RAB3IP: variants seen among roughly 807,000 people sequenced by gnomAD.
RAB3IP encodes RAB3A interacting protein.
RAB3IP carries 36 observed loss-of-function variants against 59.1 expected under a neutral mutation model. That is an observed-to-expected ratio of 0.61 (90% CI 0.47 to 0.80). The LOEUF is 0.80. Among genes scored for constraint, RAB3IP ranks in the 30% least tolerant of loss-of-function variants. The pLI, the probability that RAB3IP is intolerant of heterozygous loss-of-function variation, is 0.00. For synonymous variants in RAB3IP, 207 were observed against 191.2 expected (o/e 1.08, Z -0.68); for missense variants, 511 against 536.0 (o/e 0.95, Z 0.46).
Position 69,756,485 on chromosome 12 carries a change from A to G in RAB3IP, c.332A>G (p.Asn111Ser), listed in dbSNP as rs145351970. ...ACTAAATTAACTACAAGAAAGGACAACTATAATGCAGAGAGAGAGTTTTTA... is the reference window on the plus strand; with the variant it reads ...ACTAAATTAACTACAAGAAAGGACAGCTATAATGCAGAGAGAGAGTTTTTA... ...GLTKLTTRKD[N>S]YNAEREFLQG... The change falls in exon 3 of 11, where the codon AAC becomes AGC. Residue 111 changes from asparagine to serine, a missense_variant. Transcript: ENST00000247833. The G allele has an allele frequency of 1.4e-4, 232 of 1,614,122 alleles. 1 individual carries two copies. In the East Asian group the frequency reaches 5.0e-3, roughly 35 times the overall value.
At chr12:69,803,066 A>C (rs1878642378) in intron 8 of RAB3IP, among the ~76,000 whole-genome samples, 2 of 152,224 alleles carry the variant, frequency 1.3e-5, no homozygotes, top group Non-Finnish European at 2.9e-5. Flanking sequence ...TAAATATAGC[A>C]TATAACTGTT....
At position 69,816,106 on chromosome 12, in the gene RAB3IP, GT is replaced by G. The variant is rs1881110365; in HGVS notation, c.*664del. 1 of 152,320 alleles carries G rather than the reference GT, an allele frequency of 6.6e-6. No individual in the cohort carries two copies. The highest frequency in any genetic ancestry group is 2.1e-4 in the South Asian group (1 of 4,832). The allele number at this position is 152,320 out of a possible 1,614,324, so 9.4% of individuals were successfully genotyped here. A position where few individuals can be genotyped will look rare whatever the true frequency, so the allele number is the denominator to read the frequency against. On this transcript the variant is annotated 3_prime_UTR_variant, in exon 11 of 11. Coordinates refer to ENST00000247833, the MANE Select transcript of RAB3IP (RefSeq NM_022456.5). The stretch of plus-strand genomic sequence containing the variant: ...GAGTGTCTTGATATAGTGTATTCAT[GT>G]TTTATATGTGTTGACCACTATATTG...
At chr12:69,741,906 A>C (rs935404343) in intron 1 of RAB3IP, among the ~76,000 whole-genome samples, 6 of 152,214 alleles carry the variant, frequency 3.9e-5, no homozygotes, top group African/African-American at 1.4e-4. Context: ...TGAGATACGT[A>C]ATGTTAATGT....
rs1162471961 is a variant in RAB3IP at position 69,819,306 on chromosome 12, A to G, written c.*3860A>G. On this transcript the variant is annotated 3_prime_UTR_variant, in exon 11 of 11. Coordinates refer to ENST00000247833, the MANE Select transcript of RAB3IP (RefSeq NM_022456.5). ...TTAGGCTTTTGGCTTGAGCTATTGC[A>G]GTTTATTGAGATGGGGAAATACATG... 6.6e-6 allele frequency: 1 copy of G among 152,210 alleles called. No homozygotes were observed. Among genetic ancestry groups the G allele is most frequent in the African/African-American group, 2.4e-5 (1 of 41,460 alleles). 9.4% of individuals were successfully genotyped at this position (152,210 alleles called of 1,614,324 possible).
At chr12:69,792,056 CAGAA>C (rs1401635891) in intron 4 of RAB3IP, among the ~76,000 whole-genome samples, 3 of 152,054 alleles carry the variant, frequency 2.0e-5, no homozygotes, top group Admixed American at 6.6e-5. Context: ...ATAAGCAAGA[CAGAA>C]AGACAAATGC....
At chr12:69,758,883 G>A (rs1019230032) in intron 3 of RAB3IP, among the ~76,000 whole-genome samples, 16 of 145,074 alleles carry the variant, frequency 1.1e-4, no homozygotes, top group East Asian at 2.0e-4. Flanking sequence ...ATAATTTTAC[G>A]TCTTTGTCTT....
chr12:69,785,576 G>A (rs2136206926), intron 4 of RAB3IP, among the ~76,000 whole-genome samples: 1 of 152,256 alleles, frequency 6.6e-6, no homozygotes, highest in South Asian at 2.1e-4. Context: ...TTCAGTTTGA[G>A]TCTGAAGGCA....
chr12:69,786,135 C>G (rs1875611943), intron 4 of RAB3IP, among the ~76,000 whole-genome samples: 1 of 152,100 alleles, frequency 6.6e-6, no homozygotes, highest in Admixed American at 6.5e-5. Context: ...TTCACAGTCT[C>G]AGGTATGTAT....
intron 10 of RAB3IP, among the ~76,000 whole-genome samples, chr12:69,813,972 T>TA (rs1481117833): frequency 6.6e-6 from 1 of 152,190 alleles, no homozygotes; most frequent in Non-Finnish European, 1.5e-5. Flanking sequence ...AGTTGGATTT[T>TA]AATGCCTAAA....
intron 8 of RAB3IP, among the ~76,000 whole-genome samples, chr12:69,809,592 T>C (rs1407468929): frequency 6.6e-6 from 1 of 152,198 alleles, no homozygotes; most frequent in Non-Finnish European, 1.5e-5. Flanking sequence ...GCAGGCTTTG[T>C]TCATTTCTTT....
chr12:69,810,645 G>C (rs1478933649), intron 8 of RAB3IP, among the ~76,000 whole-genome samples: 1 of 152,020 alleles, frequency 6.6e-6, no homozygotes. Context: ...TGTATGGAGA[G>C]GAAAGGGAAG....
At chr12:69,749,565 G>A (rs547372865) in intron 1 of RAB3IP, among the ~76,000 whole-genome samples, 10 of 152,300 alleles carry the variant, frequency 6.6e-5, no homozygotes, top group African/African-American at 1.9e-4. Context: ...GCCTCTCTTC[G>A]AGACTTGTAC....
chr12:69,772,276 C>T (rs1042580780), intron 3 of RAB3IP, among the ~76,000 whole-genome samples: 1 of 152,066 alleles, frequency 6.6e-6, no homozygotes, highest in Admixed American at 6.5e-5. Context: ...AATGTTTTCC[C>T]TTTCAGTCTC....
At chr12:69,752,534 A>G (rs1869503779) in intron 1 of RAB3IP, among the ~76,000 whole-genome samples, 2 of 152,070 alleles carry the variant, frequency 1.3e-5, no homozygotes, top group African/African-American at 2.4e-5. Flanking sequence ...TGCTGTTGTC[A>G]TGTTGCCAGT....
intron 3 of RAB3IP, among the ~76,000 whole-genome samples, chr12:69,768,790 T>C (rs900734345): frequency 6.6e-6 from 1 of 152,086 alleles, no homozygotes; most frequent in African/African-American, 2.4e-5. Context: ...GTTCTGCTTG[T>C]GGAGGCCCTG....
intron 3 of RAB3IP, among the ~76,000 whole-genome samples, chr12:69,773,286 T>A (rs1873465420): frequency 6.6e-6 from 1 of 152,064 alleles, no homozygotes; most frequent in African/African-American, 2.4e-5. Flanking sequence ...CTTATTTAGG[T>A]TGAATATGAT....
intron 8 of RAB3IP, among the ~76,000 whole-genome samples, chr12:69,809,944 G>A (rs534918729): frequency 2.0e-5 from 3 of 152,344 alleles, no homozygotes; most frequent in East Asian, 1.9e-4. Context: ...CTGGTGAGGA[G>A]CTGCGTTCCT....
At chr12:69,769,527 T>C (rs559668460) in intron 3 of RAB3IP, among the ~76,000 whole-genome samples, 37 of 152,358 alleles carry the variant, frequency 2.4e-4, no homozygotes, top group Admixed American at 2.4e-3. Context: ...CTCCCTGGTA[T>C]CTGGGGTGTC....
chr12:69,762,321 C>A (rs1345716129), intron 3 of RAB3IP, among the ~76,000 whole-genome samples: 1 of 152,160 alleles, frequency 6.6e-6, no homozygotes, highest in Non-Finnish European at 1.5e-5. Context: ...AAGTATAGAT[C>A]CTTGCACTCT....
Sources: gnomAD v4.1 joint callset for allele counts (sites outside exome capture counted in the v4.1 genomes callset) on GRCh38, gnomAD v4.1.1 for gene constraint, MANE v1.5 for transcripts, NCBI Gene and HGNC (gene_info 2026-07-23, HGNC 2026-07-21) for gene names.